The following PPIG variants were observed in gnomAD, a reference collection of about 807,000 sequenced individuals.
PPIG encodes the protein peptidylprolyl isomerase G.
Under a neutral mutation model 87.9 loss-of-function variants are expected in PPIG, and 26 were observed. The ratio of observed to expected loss-of-function variants is 0.30; its 90% CI spans 0.22 to 0.41. The LOEUF is 0.41. Among genes scored for constraint, PPIG ranks in the 10% least tolerant of loss-of-function variants. The pLI, the probability that PPIG is intolerant of heterozygous loss-of-function variation, is 1.00. For missense variants in PPIG, 722 were observed against 879.4 expected, an observed-to-expected ratio of 0.82 and a Z score of 2.26; for synonymous variants, 308 against 276.5, an observed-to-expected ratio of 1.11 and a Z score of -1.13.
intron 4 of PPIG, among the ~76,000 whole-genome samples, chr2:169,605,463 A>G (rs1227452315): frequency 1.3e-5 from 2 of 152,100 alleles, no homozygotes; most frequent in African/African-American, 4.8e-5. Flanking sequence ...AGATCACTCC[A>G]CTGCACTCCA....
chr2:169,604,310 G>GCTGA (rs1685260338), intron 4 of PPIG, 49 bp downstream of exon 4: 1 of 1,043,004 alleles, frequency 9.6e-7, no homozygotes, highest in Non-Finnish European at 1.4e-6. Flanking sequence ...GTTGACTATG[G>GCTGA]CTTGCTTGCT....
At chr2:169,620,989 A>G (rs185839065) in intron 9 of PPIG, among the ~76,000 whole-genome samples, 2 of 152,274 alleles carry the variant, frequency 1.3e-5, no homozygotes, top group African/African-American at 2.4e-5. Context: ...CAGTAACTCT[A>G]TAGTATTACA....
At chr2:169,596,724 G>A (rs1051631150) in intron 1 of PPIG, among the ~76,000 whole-genome samples, 5 of 151,970 alleles carry the variant, frequency 3.3e-5, no homozygotes, top group African/African-American at 1.2e-4. Context: ...TTCTGAGACG[G>A]AGTCTTACTC....
chr2:169,599,650 T>G (rs1489257493), intron 1 of PPIG, among the ~76,000 whole-genome samples: 1 of 152,174 alleles, frequency 6.6e-6, no homozygotes, highest in East Asian at 1.9e-4. Context: ...ATTTCACTTT[T>G]TGTGAATTCT....
intron 1 of PPIG, among the ~76,000 whole-genome samples, chr2:169,597,477 C>T (rs980505123): frequency 6.8e-6 from 1 of 147,576 alleles, no homozygotes. Flanking sequence ...GTTTTTCTCT[C>T]GTTTTTCTTT....
chr2:169,613,304 A>C (rs1477439726), intron 7 of PPIG, among the ~76,000 whole-genome samples: 1 of 152,160 alleles, frequency 6.6e-6, no homozygotes, highest in African/African-American at 2.4e-5. Flanking sequence ...ATAATTAGGT[A>C]AACCTAAAAA....
At chr2:169,587,824 T>C (rs1039897111) in intron 1 of PPIG, among the ~76,000 whole-genome samples, 4 of 152,162 alleles carry the variant, frequency 2.6e-5, no homozygotes, top group Non-Finnish European at 5.9e-5. Context: ...ATAACACTTA[T>C]AAACACCAAT....
Position 169,635,317 on chromosome 2 carries a change from T to C in PPIG, c.1018-775T>C, listed in dbSNP as rs540251438. On this transcript the variant is annotated intron_variant, in intron 12 of 13. Coordinates refer to ENST00000260970, the MANE Select transcript of PPIG (RefSeq NM_004792.3). The stretch of plus-strand genomic sequence containing the variant: ...GTCCTTGCTTACCTCATCAATGTTA[T>C]GTAGTACTACTTTCCCTTGCAGTTT... Among the ~76,000 whole-genome samples the C allele has an allele frequency of 5.3e-5, 8 of 152,328 alleles. No homozygotes were observed. In the South Asian group the frequency reaches 1.4e-3, roughly 28 times the overall value.
intron 6 of PPIG, 25 bp downstream of exon 6, chr2:169,607,173 T>C (rs1685356362): frequency 1.5e-6 from 2 of 1,364,314 alleles, no homozygotes; most frequent in East Asian, 2.3e-5. Context: ...ATTTATATTA[T>C]GTTTTAAATA....
At chr2:169,606,011 TA>T in intron 4 of PPIG, 27 bp from the exon 5 acceptor site, 1 of 1,508,740 alleles carries the variant, frequency 6.6e-7, no homozygotes, top group Non-Finnish European at 9.2e-7. Flanking sequence ...TCCTTTCTAT[TA>T]AATGTCCTAT....
chr2:169,609,752 G>A (rs1463945372), intron 7 of PPIG, among the ~76,000 whole-genome samples: 3 of 152,114 alleles, frequency 2.0e-5, no homozygotes, highest in Non-Finnish European at 2.9e-5. Context: ...ACGGAATGGT[G>A]GAGTTAGAAA....
intron 6 of PPIG, among the ~76,000 whole-genome samples, chr2:169,608,466 G>A (rs1685393956): frequency 6.6e-6 from 1 of 151,032 alleles, no homozygotes; most frequent in South Asian, 2.1e-4. Context: ...CTCCAGCCTG[G>A]GCAACAGAGC....
chr2:169,612,055 G>A (rs1280445546), intron 7 of PPIG, among the ~76,000 whole-genome samples: 3 of 151,470 alleles, frequency 2.0e-5, no homozygotes, highest in East Asian at 2.0e-4. Flanking sequence ...AGCTCACTGC[G>A]GCCTCAAACT....
intron 7 of PPIG, among the ~76,000 whole-genome samples, chr2:169,609,089 A>C (rs1239191919): frequency 6.6e-6 from 1 of 151,972 alleles, no homozygotes; most frequent in Non-Finnish European, 1.5e-5. Flanking sequence ...CTCAAAAAAA[A>C]AAAAAAAAAA....
intron 1 of PPIG, among the ~76,000 whole-genome samples, chr2:169,595,578 A>G (rs1684994376): frequency 6.6e-6 from 1 of 152,138 alleles, no homozygotes; most frequent in Non-Finnish European, 1.5e-5. Flanking sequence ...TCAAGTGTCT[A>G]GTAACAGTCT....
At position 169,606,053 on chromosome 2, in the gene PPIG, G is replaced by A. The variant is rs1434858664; in HGVS notation, c.151G>A (p.Gly51Arg). 3 of 1,610,590 alleles carry A rather than the reference G, an allele frequency of 1.9e-6. No individual in the cohort carries two copies. The highest frequency in any genetic ancestry group is 2.5e-6 in the Non-Finnish European group (3 of 1,177,042). Residue 51 changes from glycine (G) to arginine (R), a missense_variant, in exon 5 of 14, where the codon GGG becomes AGG. Physicochemically the swap from Gly to Arg is moderately radical, Grantham distance 125 (BLOSUM62 -2). Coordinates refer to ENST00000260970, the MANE Select transcript of PPIG (RefSeq NM_004792.3). ...RCLCTGEKGT[G>R]KSTQKPLHYK... ...TATCTCTATAGGTGAAAAGGGGACC[G>A]GGAAATCAACTCAGAAACCATTACA...
At chr2:169,619,449 T>C (rs1021244626) in intron 9 of PPIG, among the ~76,000 whole-genome samples, 5 of 152,234 alleles carry the variant, frequency 3.3e-5, no homozygotes, top group Non-Finnish European at 7.3e-5. Context: ...CTCATTGATC[T>C]GTCTAATATT....
In PPIG at chr2:169,636,919, G is replaced by C. The variant is rs747949024; in HGVS notation, c.1661G>C (p.Gly554Ala). 1 of 1,613,768 alleles carries C rather than the reference G, an allele frequency of 6.2e-7. No individual in the cohort carries two copies. Among genetic ancestry groups the C allele is most frequent in the Admixed American group, 1.7e-5 (1 of 59,960 alleles). ...AGTAGAGAATGTGATATAACTAAAG[G>C]TAAACACAGTTATAATAGCAGAACA... ...SRSRECDITKGKHSYNSRTRE... is the reference protein window; with the variant it reads ...SRSRECDITKAKHSYNSRTRE... The change falls in exon 14 of 14, where the codon GGT (glycine) becomes GCT (alanine). Residue 554 changes from glycine to alanine, a missense_variant. Gly to Ala is a moderately conservative substitution (Grantham distance 60). Coordinates refer to ENST00000260970, the MANE Select transcript of PPIG (RefSeq NM_004792.3).
rs1686281380 is a variant in PPIG at position 169,640,325 on chromosome 2, CAATT to C, written c.*2805_*2808del. On this transcript the variant is annotated 3_prime_UTR_variant, in exon 14 of 14. Transcript: ENST00000260970. ...GCCTAGTGGAAGGTATGGAGCTAAA[CAATT>C]AAAGAACTCTTCATTATGGATAGGC... 1 of 152,174 alleles carries C rather than the reference CAATT, an allele frequency of 6.6e-6. No individual in the cohort carries two copies. The highest frequency in any genetic ancestry group is 1.5e-5 in the Non-Finnish European group (1 of 68,022). 9.4% of individuals were successfully genotyped at this position (152,174 alleles called of 1,614,324 possible).
Sources: gnomAD v4.1 joint callset for allele counts (sites outside exome capture counted in the v4.1 genomes callset) on GRCh38, gnomAD v4.1.1 for gene constraint, MANE v1.5 for transcripts, NCBI Gene and HGNC (gene_info 2026-07-23, HGNC 2026-07-21) for gene names.